The following GNPTAB variants were observed in gnomAD, a reference collection of about 807,000 sequenced individuals.
GNPTAB encodes N-acetylglucosamine-1-phosphate transferase subunits alpha and beta.
GNPTAB carries 92 observed loss-of-function variants against 136.6 expected under a neutral mutation model. The ratio of observed to expected loss-of-function variants is 0.67; its 90% confidence interval spans 0.57 to 0.80. GNPTAB has a LOEUF of 0.80. GNPTAB is among the 30% of genes least tolerant of loss of function. The pLI, the probability that GNPTAB is intolerant of heterozygous loss-of-function variation, is 0.00. For missense variants in GNPTAB, 1,343 were observed against 1,501.8 expected (o/e 0.89, Z 1.75); for synonymous variants, 512 against 535.1 (o/e 0.96, Z 0.60).
chr12:101,773,369 TG>T, intron 7 of GNPTAB: 1 of 302,598 alleles, frequency 3.3e-6, no homozygotes, highest in South Asian at 3.5e-5. Flanking sequence ...GCTCGGATCC[TG>T]CTTATACATT....
At chr12:101,793,495 T>C (rs1171044327) in intron 2 of GNPTAB, among the ~76,000 whole-genome samples, 1 of 152,192 alleles carries the variant, frequency 6.6e-6, no homozygotes, top group Non-Finnish European at 1.5e-5. Context: ...AATTTAACTT[T>C]GGCAAAACTG....
chr12:101,809,512 A>G (rs1188829714), intron 1 of GNPTAB, among the ~76,000 whole-genome samples: 1 of 152,268 alleles, frequency 6.6e-6, no homozygotes, highest in Non-Finnish European at 1.5e-5. Context: ...CCAAACTGGA[A>G]GCAATCAAGA....
chr12:101,808,523 C>T (rs1031674955), intron 1 of GNPTAB, among the ~76,000 whole-genome samples: 1 of 151,942 alleles, frequency 6.6e-6, no homozygotes, highest in South Asian at 2.1e-4. Flanking sequence ...GCCTGGATGA[C>T]AGAGCAAGAC....
intron 18 of GNPTAB, among the ~76,000 whole-genome samples, chr12:101,755,788 A>T (rs1432359984): frequency 1.3e-5 from 2 of 152,238 alleles, no homozygotes; most frequent in East Asian, 3.8e-4. Context: ...GTTCAGGTAC[A>T]CAAGAGGCAG....
chr12:101,770,545 T>A lies in GNPTAB; in HGVS notation c.974A>T (p.Asp325Val). ...CAATGAGTACCTCAGTTCTTCGTTA[T>A]CTTCAAAACGACTGGCAGAGATGTC... The part of the protein sequence containing the change: ...DEDISASRFE[D>V]NEELRYSLRS... Residue 325 changes from aspartate to valine, a missense_variant, in exon 9 of 21, where the codon GAT (aspartate) becomes GTT (valine). Coordinates refer to ENST00000299314, the MANE Select transcript of GNPTAB (RefSeq NM_024312.5). 2 of 1,613,922 alleles carry A rather than the reference T, an allele frequency of 1.2e-6. No homozygotes were observed. Among genetic ancestry groups the A allele is most frequent in the Non-Finnish European group, 1.7e-6 (2 of 1,179,794 alleles).
chr12:101,787,684 C>T (rs879332416), intron 4 of GNPTAB, among the ~76,000 whole-genome samples: 3 of 152,042 alleles, frequency 2.0e-5, no homozygotes, highest in East Asian at 1.9e-4. Context: ...GAGGCCGAGG[C>T]GGGCGGATCA....
At chr12:101,815,062 C>T (rs936650535) in intron 1 of GNPTAB, among the ~76,000 whole-genome samples, 2 of 152,116 alleles carry the variant, frequency 1.3e-5, no homozygotes, top group Non-Finnish European at 2.9e-5. Context: ...AGCATCATAG[C>T]TTACTTATTT....
rs1449719595 is a variant in GNPTAB at position 101,746,219 on chromosome 12, C to G, written c.*945G>C. 6.6e-6 allele frequency: 1 copy of G among 152,134 alleles called. No homozygotes were observed. The highest frequency in any genetic ancestry group is 1.9e-4 in the East Asian group (1 of 5,198). 9.4% of individuals were successfully genotyped at this position (152,134 alleles called of 1,614,324 possible). ...GCAAGAAGAATGTATGACAAAGACA[C>G]AGGTGGCCTGCAATAATTTACTAAC... On this transcript the variant is annotated 3_prime_UTR_variant, in exon 21 of 21. Coordinates refer to ENST00000299314, the MANE Select transcript of GNPTAB (RefSeq NM_024312.5).
chr12:101,790,843 G>A (rs1027458500), intron 2 of GNPTAB, among the ~76,000 whole-genome samples: 6 of 149,774 alleles, frequency 4.0e-5, no homozygotes, highest in East Asian at 1.9e-4. Flanking sequence ...TTGCTCCCCC[G>A]CAAGCCTGCA....
intron 7 of GNPTAB, among the ~76,000 whole-genome samples, chr12:101,777,550 G>A (rs767057665): frequency 1.3e-5 from 2 of 152,158 alleles, no homozygotes; most frequent in Non-Finnish European, 2.9e-5. Flanking sequence ...TCTGCTGGGA[G>A]AATGGCTGCT....
At position 101,788,597 on chromosome 12, in the gene GNPTAB, A is replaced by T. The variant is rs747260576; in HGVS notation, c.324-8T>A. 19 of 1,494,262 alleles carry T rather than the reference A, an allele frequency of 1.3e-5. No homozygotes were observed. The highest frequency in any genetic ancestry group is 1.6e-5 in the Non-Finnish European group (17 of 1,071,142). 92.6% of individuals were successfully genotyped at this position (1,494,262 alleles called of 1,614,324 possible). A position where few individuals can be genotyped will look rare whatever the true frequency, so the allele number is the denominator to read the frequency against. On this transcript the variant is annotated splice_polypyrimidine_tract_variant and splice_region_variant and intron_variant, in intron 3 of 20. Coordinates refer to ENST00000299314, the MANE Select transcript of GNPTAB (RefSeq NM_024312.5). ...TTTTTCCCAAGGATTTCTCTAATAA[A>T]AAGCAAATACAGTTTATTACATACA...
In GNPTAB at chr12:101,765,072, G is replaced by C; in HGVS notation, c.1845C>G (p.Leu615=). 1 of 1,614,016 alleles carries C rather than the reference G, an allele frequency of 6.2e-7. No homozygotes were observed. Among genetic ancestry groups the C allele is most frequent in the Non-Finnish European group, 8.5e-7 (1 of 1,179,870 alleles). Reference sequence around the variant, plus strand: ...CTTCATCGTTTGTATTTTGAAACGTGAGATTAAAATGTATTGTGGTGGCAT... The same window carrying C: ...CTTCATCGTTTGTATTTTGAAACGTCAGATTAAAATGTATTGTGGTGGCAT... ...GMNATTIHFN[L]TFQNTNDEEF... is the part of the protein sequence containing the mutation. Residue 615 remains leucine (L), a synonymous_variant, in exon 13 of 21, where the codon CTC becomes CTG. Coordinates refer to ENST00000299314, the MANE Select transcript of GNPTAB (RefSeq NM_024312.5).
At chr12:101,793,675 A>G (rs557355989) in intron 2 of GNPTAB, among the ~76,000 whole-genome samples, 18 of 152,244 alleles carry the variant, frequency 1.2e-4, no homozygotes, top group Non-Finnish European at 2.9e-5. Flanking sequence ...TAAGTCACTC[A>G]TAACTCAGAA....
intron 10 of GNPTAB, among the ~76,000 whole-genome samples, chr12:101,769,736 A>C: frequency 1.4e-5 from 2 of 145,948 alleles, no homozygotes; most frequent in East Asian, 2.1e-4. Flanking sequence ...TACTCCCCCC[A>C]CGGCCCCCCA....
chr12:101,784,741 A>G (rs1328197644), intron 5 of GNPTAB, among the ~76,000 whole-genome samples: 1 of 152,190 alleles, frequency 6.6e-6, no homozygotes, highest in East Asian at 1.9e-4. Flanking sequence ...GTAAAAAGTA[A>G]GGAGTCAAAG....
At chr12:101,796,851 G>C in intron 1 of GNPTAB, 89 bp from the exon 2 acceptor site, 3 of 891,184 alleles carry the variant, frequency 3.4e-6, no homozygotes, top group Non-Finnish European at 5.5e-6. Flanking sequence ...AGAATTGCTA[G>C]AGAAATGGGT....
chr12:101,767,909 G>A, intron 11 of GNPTAB, 128 bp downstream of exon 11: 2 of 1,055,816 alleles, frequency 1.9e-6, no homozygotes, highest in South Asian at 2.6e-5. Context: ...GAGCCACCAT[G>A]CCCAGCATTA....
At position 101,796,702 on chromosome 12, in the gene GNPTAB, T is replaced by C. The variant is rs916666251; in HGVS notation, c.178A>G (p.Ile60Val). The C allele has an allele frequency of 1.9e-6, 3 of 1,611,064 alleles. No homozygotes were observed. The Admixed American group carries it at 5.0e-5, about 27-fold the overall frequency. Reference protein sequence around the residue: ...HVLFDSYRDNIAGKSFQNRLC... With the variant: ...HVLFDSYRDNVAGKSFQNRLC... ...CGATTCTGAAAGGACTTTCCAGCAA[T>C]ATTGTCTCTATAGGAATCAAACAAA... is the stretch of plus-strand genomic sequence containing the variant. The change falls in exon 2 of 21, where the codon ATT becomes GTT. Residue 60 changes from isoleucine to valine, a missense_variant. Physicochemically the swap from Ile to Val is conservative, Grantham distance 29. Coordinates refer to ENST00000299314, the MANE Select transcript of GNPTAB (RefSeq NM_024312.5).
chr12:101,768,282 C>A, intron 10 of GNPTAB, 122 bp from the exon 11 acceptor site: 1 of 1,092,926 alleles, frequency 9.1e-7, no homozygotes, highest in Non-Finnish European at 1.3e-6. Flanking sequence ...TTTCAAAGGG[C>A]TCAGCGTTCA....
Sources: allele counts gnomAD v4.1 joint callset (sites outside exome capture counted in the v4.1 genomes callset), GRCh38; gene constraint gnomAD v4.1.1; transcripts MANE v1.5; gene names NCBI Gene and HGNC (gene_info 2026-07-23, HGNC 2026-07-21).